Variants in PLPP7 observed in about 807,000 individuals in gnomAD.
PLPP7 encodes phospholipid phosphatase 7 (inactive), also known as inactive phospholipid phosphatase 7.
PLPP7 carries 11 observed loss-of-function variants against 16.9 expected under a neutral mutation model. The ratio of observed to expected loss-of-function variants is 0.65; its 90% CI spans 0.41 to 1.08. PLPP7 has a LOEUF of 1.08. Among genes scored for constraint, PLPP7 ranks in the 50% least tolerant of loss-of-function variants. PLPP7 has a pLI of 0.00. For missense variants in PLPP7, 358 were observed against 397.1 expected, an observed-to-expected ratio of 0.90 and a Z score of 0.84; for synonymous variants, 174 against 175.1, an observed-to-expected ratio of 0.99 and a Z score of 0.05.
At chr9:131,303,193 G>A (rs566289769) in intron 1 of PLPP7, among the ~76,000 whole-genome samples, 189 of 152,104 alleles carry the variant, frequency 1.2e-3, no homozygotes, top group Admixed American at 6.7e-3. Flanking sequence ...TTAGCTGGGC[G>A]TGGTAGCACA....
At position 131,290,629 on chromosome 9, in the gene PLPP7, A is replaced by G. The variant is rs889490690; in HGVS notation, c.451+181A>G. Reference sequence around the variant, plus strand: ...GCTCCGGCGTGGGGGAGCGACAGCCAGGGATGCATAGACGAGGCTCTCCTG... The same window carrying G: ...GCTCCGGCGTGGGGGAGCGACAGCCGGGGATGCATAGACGAGGCTCTCCTG... On this transcript the variant is annotated intron_variant, in intron 1 of 1. Transcript: ENST00000372264. The surrounding 1 kb of genome is among the most constrained non-coding windows in gnomAD (Gnocchi z 4.2). Among the ~76,000 whole-genome samples, 11 of 130,610 alleles carry G rather than the reference A, an allele frequency of 8.4e-5. No homozygotes were observed. The highest frequency in any genetic ancestry group is 2.2e-4 in the Admixed American group (3 of 13,542). The allele number at this position is 130,610 out of a possible 152,430, so 85.7% of individuals were successfully genotyped here. A position where few individuals can be genotyped will look rare whatever the true frequency, so the allele number is the denominator to read the frequency against.
intron 1 of PLPP7, among the ~76,000 whole-genome samples, chr9:131,297,492 T>A (rs999481879): frequency 1.3e-5 from 2 of 151,656 alleles, no homozygotes; most frequent in Admixed American, 6.6e-5. Flanking sequence ...TTCAAGTGAT[T>A]CTCCTGCCTC....
intron 1 of PLPP7, among the ~76,000 whole-genome samples, chr9:131,302,850 C>T (rs760211307): frequency 6.6e-6 from 1 of 152,168 alleles, no homozygotes; most frequent in Non-Finnish European, 1.5e-5. Flanking sequence ...AGGGGAAGCC[C>T]TGAAGTTCTA....
At chr9:131,307,787 C>T in intron 1 of PLPP7, 136 bp from the exon 2 acceptor site, 1 of 893,640 alleles carries the variant, frequency 1.1e-6, no homozygotes, top group Non-Finnish European at 1.6e-6. Flanking sequence ...GAGAGGGGAC[C>T]CTGCCTGGGG....
chr9:131,299,956 A>C (rs1835778462), intron 1 of PLPP7, among the ~76,000 whole-genome samples: 1 of 152,230 alleles, frequency 6.6e-6, no homozygotes, highest in African/African-American at 2.4e-5. Flanking sequence ...CCCCGTCATT[A>C]TGGCCTGAAG....
chr9:131,294,651 TTTTG>T (rs201869319), intron 1 of PLPP7, among the ~76,000 whole-genome samples: 2,452 of 151,974 alleles, frequency 0.016, 53 homozygotes, highest in East Asian at 0.058. Flanking sequence ...GAAAGTATCT[TTTTG>T]TTTGTTTGTT....
intron 1 of PLPP7, among the ~76,000 whole-genome samples, chr9:131,305,870 A>T (rs1249251194): frequency 6.6e-6 from 1 of 152,036 alleles, no homozygotes. Context: ...CTCAAGCAAT[A>T]TGCTCATCTC....
intron 1 of PLPP7, among the ~76,000 whole-genome samples, chr9:131,301,616 C>T (rs2131218506): frequency 6.6e-6 from 1 of 152,304 alleles, no homozygotes; most frequent in East Asian, 1.9e-4. Flanking sequence ...GGTGTTCCTG[C>T]ACGGTGCCCC....
chr9:131,292,350 G>A (rs1835687619), intron 1 of PLPP7, among the ~76,000 whole-genome samples: 1 of 152,208 alleles, frequency 6.6e-6, no homozygotes, highest in Non-Finnish European at 1.5e-5. Context: ...CATGTGACAA[G>A]GGAGGTGATG....
At chr9:131,292,495 T>TG (rs1835690183) in intron 1 of PLPP7, among the ~76,000 whole-genome samples, 3 of 152,284 alleles carry the variant, frequency 2.0e-5, no homozygotes, top group African/African-American at 7.2e-5. Flanking sequence ...AATTGAGGCA[T>TG]GGGGTGACGA....
At position 131,290,906 on chromosome 9, in the gene PLPP7, C is replaced by T. The variant is rs887949651; in HGVS notation, c.451+458C>T. Among the ~76,000 whole-genome samples, 1 of 152,128 alleles carries T rather than the reference C, an allele frequency of 6.6e-6. No homozygotes were observed. The highest frequency in any genetic ancestry group is 1.5e-5 in the Non-Finnish European group (1 of 67,998). On this transcript the variant is annotated intron_variant, in intron 1 of 1. Coordinates refer to ENST00000372264, the MANE Select transcript of PLPP7 (RefSeq NM_032728.4). This position sits in a 1 kb window ranked among gnomAD's most constrained non-coding sequence, Gnocchi z 4.2. ...CCGTGAGCTGCCCCATGAGCACCTC[C>T]CGCCTCGGTTCAGGAACCGGGAAAG...
intron 1 of PLPP7, among the ~76,000 whole-genome samples, chr9:131,300,054 C>T (rs1361099707): frequency 6.6e-6 from 1 of 152,222 alleles, no homozygotes; most frequent in Non-Finnish European, 1.5e-5. Flanking sequence ...TAACAGAATA[C>T]CACACACTGA....
Position 131,307,916 on chromosome 9 carries a change from C to A in PLPP7, c.452-7C>A, listed in dbSNP as rs367828049. On this transcript the variant is annotated splice_polypyrimidine_tract_variant and splice_region_variant and intron_variant, in intron 1 of 1. Transcript: ENST00000372264. Reference sequence around the variant, plus strand: ...ATGGCCCAGGGGCCTCTGTCTCCCCCCAACAGCCCTGCTCCTGGACATCAT... The same window carrying A: ...ATGGCCCAGGGGCCTCTGTCTCCCCACAACAGCCCTGCTCCTGGACATCAT... 5 of 1,570,368 alleles carry A rather than the reference C, an allele frequency of 3.2e-6. No homozygotes were observed. In the African/African-American group the frequency reaches 4.0e-5, roughly 13 times the overall value.
In PLPP7 at chr9:131,309,254, C is replaced by A. The variant is rs1470065031; in HGVS notation, c.*967C>A. ...TTCATGTGACAATACAGATGACATG[C>A]AAATGGCCCTCTCCCGTGTGGCTTT... On this transcript the variant is annotated 3_prime_UTR_variant, in exon 2 of 2. Coordinates refer to ENST00000372264, the MANE Select transcript of PLPP7 (RefSeq NM_032728.4). 6.6e-6 allele frequency: 1 copy of A among 152,640 alleles called. No individual in the cohort carries two copies. Among genetic ancestry groups the A allele is most frequent in the African/African-American group, 2.4e-5 (1 of 41,440 alleles). 9.5% of individuals were successfully genotyped at this position (152,640 alleles called of 1,614,324 possible). A position where few individuals can be genotyped will look rare whatever the true frequency, so the allele number is the denominator to read the frequency against.
rs1385886968 is a variant in PLPP7, at chr9:131,289,817, T to C, written c.-181T>C. The C allele has an allele frequency of 8.8e-6, 4 of 455,072 alleles. No homozygotes were observed. Among genetic ancestry groups the C allele is most frequent in the African/African-American group, 2.0e-5 (1 of 49,610 alleles). The allele number at this position is 455,072 out of a possible 1,614,324, so 28.2% of individuals were successfully genotyped here. A position where few individuals can be genotyped will look rare whatever the true frequency, so the allele number is the denominator to read the frequency against. On this transcript the variant is annotated 5_prime_UTR_variant, in exon 1 of 2. Transcript: ENST00000372264. ...TGCCCGGCTGGCACTGACGTCCCCT[T>C]GGAGCTGGGTGGCAGAGGAGATAAA...
chr9:131,289,843 C>T lies in PLPP7; in HGVS notation c.-155C>T, dbSNP rs1835641396. ...GGAGCTGGGTGGCAGAGGAGATAAA[C>T]AGCCATGTGCAACTCTCCACACTAT... On this transcript the variant is annotated 5_prime_UTR_variant, in exon 1 of 2. Transcript: ENST00000372264. 3.8e-6 allele frequency: 2 copies of T among 530,492 alleles called. No individual in the cohort carries two copies. The highest frequency in any genetic ancestry group is 7.0e-5 in the East Asian group (2 of 28,616). The allele number at this position is 530,492 out of a possible 1,614,324, so 32.9% of individuals were successfully genotyped here.
At position 131,289,767 on chromosome 9, in the gene PLPP7, C is replaced by T. The variant is rs1835639855; in HGVS notation, c.-231C>T. 2 of 399,504 alleles carry T rather than the reference C, an allele frequency of 5.0e-6. No individual in the cohort carries two copies. The highest frequency in any genetic ancestry group is 8.8e-6 in the Non-Finnish European group (2 of 227,708). 24.7% of individuals were successfully genotyped at this position (399,504 alleles called of 1,614,324 possible). ...CTCCCGGAGGCTCTGCTGGTGCAGG[C>T]CCCGCATTGGAGGGCTCGATTGGCT... On this transcript the variant is annotated 5_prime_UTR_variant, in exon 1 of 2. Coordinates refer to ENST00000372264, the MANE Select transcript of PLPP7 (RefSeq NM_032728.4).
Position 131,295,453 on chromosome 9 carries a change from T to G in PLPP7, c.451+5005T>G, listed in dbSNP as rs1032202104. Among the ~76,000 whole-genome samples the G allele has an allele frequency of 6.6e-6, 1 of 152,130 alleles. No homozygotes were observed. The highest frequency in any genetic ancestry group is 1.5e-5 in the Non-Finnish European group (1 of 67,994). On this transcript the variant is annotated intron_variant, in intron 1 of 1. Coordinates refer to ENST00000372264, the MANE Select transcript of PLPP7 (RefSeq NM_032728.4). The surrounding 1 kb of genome is among the most constrained non-coding windows in gnomAD (Gnocchi z 4.0). ...AGGAGTGAGCCACCACGCCTGGCTA[T>G]GAAAACTACATTTTTATGTCATTTT...
chr9:131,299,608 G>A (rs1835773741), intron 1 of PLPP7, among the ~76,000 whole-genome samples: 1 of 152,154 alleles, frequency 6.6e-6, no homozygotes, highest in African/African-American at 2.4e-5. Context: ...AGGGTGGCAG[G>A]CGGGCCACTG....
Sources: gnomAD v4.1 joint callset for allele counts (sites outside exome capture counted in the v4.1 genomes callset) on GRCh38, gnomAD v4.1.1 for gene constraint, Gnocchi (gnomAD v3.1) non-coding constraint, MANE v1.5 for transcripts, NCBI Gene and HGNC (gene_info 2026-07-23, HGNC 2026-07-21) for gene names.